The following NOTCH2 variants were observed in gnomAD, a reference collection of about 807,000 sequenced individuals.
NOTCH2 encodes the protein neurogenic locus notch homolog protein 2.
Under a neutral mutation model 235.8 loss-of-function variants are expected in NOTCH2, and 29 were observed. The observed-to-expected ratio is 0.12, with a 90% CI of 0.09 to 0.17. The LOEUF is 0.17. NOTCH2 is among the 10% of genes least tolerant of loss of function. NOTCH2 has a pLI of 1.00. For missense variants in NOTCH2, 2,285 were observed against 3,150.2 expected (o/e 0.73, Z 6.57); for synonymous variants, 1,086 against 1,141.5 (o/e 0.95, Z 0.98).
chr1:119,931,823 T>C (rs1261149195), intron 22 of NOTCH2, among the ~76,000 whole-genome samples: 1 of 151,672 alleles, frequency 6.6e-6, no homozygotes, highest in Non-Finnish European at 1.5e-5. Flanking sequence ...ATTTTAAAAG[T>C]GATAAATTCA....
At chr1:119,947,684 G>A (rs1331025157) in intron 17 of NOTCH2, among the ~76,000 whole-genome samples, 1 of 152,140 alleles carries the variant, frequency 6.6e-6, no homozygotes, top group Non-Finnish European at 1.5e-5. Flanking sequence ...AAAACCATAT[G>A]TCCACACAAA....
In NOTCH2 at chr1:119,923,661, C is replaced by G. The variant is rs1649363859; in HGVS notation, c.4835G>C (p.Gly1612Ala). 6.2e-7 allele frequency: 1 copy of G among 1,614,146 alleles called. No individual in the cohort carries two copies. Among genetic ancestry groups the G allele is most frequent in the South Asian group, 1.1e-5 (1 of 91,086 alleles). Reference protein sequence around the residue: ...KQRMTRRSLPGEQEQEVAGSK... With the variant: ...KQRMTRRSLPAEQEQEVAGSK... Reference sequence around the variant, plus strand: ...CCCAGCCACCTCCTGTTCTTGTTCACCAGGAAGGGATCTGCGTGTCATCCT... The same window carrying G: ...CCCAGCCACCTCCTGTTCTTGTTCAGCAGGAAGGGATCTGCGTGTCATCCT... The change falls in exon 26 of 34, where the codon GGT becomes GCT. Residue 1612 changes from glycine to alanine, a missense_variant. Gly to Ala is a moderately conservative substitution (Grantham distance 60). Transcript: ENST00000256646.
At position 120,069,476 on chromosome 1, in the gene NOTCH2, G is replaced by A. The variant is rs1294120828; in HGVS notation, c.-70C>T. Reference sequence around the variant, plus strand: ...CAGATCCACATGGGGAGGGGGTCCCGATAGAGGAGCCCCACTCTCTCCTCC... The same window carrying A: ...CAGATCCACATGGGGAGGGGGTCCCAATAGAGGAGCCCCACTCTCTCCTCC... On this transcript the variant is annotated 5_prime_UTR_variant, in exon 1 of 34. Transcript: ENST00000256646. 25 of 1,499,338 alleles carry A rather than the reference G, an allele frequency of 1.7e-5. No homozygotes were observed. The highest frequency in any genetic ancestry group is 2.3e-4 in the Middle Eastern group (1 of 4,380). 92.9% of individuals were successfully genotyped at this position (1,499,338 alleles called of 1,614,324 possible). A position where few individuals can be genotyped will look rare whatever the true frequency, so the allele number is the denominator to read the frequency against.
intron 2 of NOTCH2, among the ~76,000 whole-genome samples, chr1:120,029,397 C>T (rs1346006154): frequency 6.6e-6 from 1 of 151,930 alleles, no homozygotes; most frequent in Non-Finnish European, 1.5e-5. Context: ...GTCACCCAGG[C>T]TAGAGTGCAA....
chr1:119,917,882 G>A (rs1190466612), intron 32 of NOTCH2, 120 bp from the exon 33 acceptor site: 7 of 741,482 alleles, frequency 9.4e-6, no homozygotes, highest in Non-Finnish European at 1.7e-5. Context: ...CTCTGTAGGG[G>A]TCTATAGGAA....
chr1:119,914,936 A>G lies in NOTCH2; in HGVS notation c.*370T>C. The G allele has an allele frequency of 2.5e-6, 1 of 401,112 alleles. No individual in the cohort carries two copies. Among genetic ancestry groups the G allele is most frequent in the East Asian group, 4.3e-5 (1 of 23,524 alleles). 24.8% of individuals were successfully genotyped at this position (401,112 alleles called of 1,614,324 possible). A position where few individuals can be genotyped will look rare whatever the true frequency, so the allele number is the denominator to read the frequency against. Reference sequence around the variant, plus strand: ...ATTCCCAACAGGACGCTAGTGTAGAATCTTCTCATGGATATGGCAGAAGCC... The same window carrying G: ...ATTCCCAACAGGACGCTAGTGTAGAGTCTTCTCATGGATATGGCAGAAGCC... On this transcript the variant is annotated 3_prime_UTR_variant, in exon 34 of 34. Transcript: ENST00000256646.
intron 2 of NOTCH2, among the ~76,000 whole-genome samples, chr1:120,012,094 T>C (rs1253805771): frequency 7.7e-6 from 1 of 129,652 alleles, no homozygotes; most frequent in Non-Finnish European, 1.6e-5. Context: ...CTAGAGTGCG[T>C]GTGCTTCAAC....
chr1:120,025,900 AT>A (rs1159058658), intron 2 of NOTCH2, among the ~76,000 whole-genome samples: 1 of 123,272 alleles, frequency 8.1e-6, no homozygotes, highest in East Asian at 2.1e-4. Context: ...CTTGAAAGTG[AT>A]TAATGACATC....
intron 17 of NOTCH2, among the ~76,000 whole-genome samples, chr1:119,944,066 A>T (rs1462782553): frequency 3.9e-5 from 6 of 152,196 alleles, no homozygotes; most frequent in Admixed American, 3.9e-4. Context: ...AACACTGAAA[A>T]ATAAATAAAT....
intron 5 of NOTCH2, among the ~76,000 whole-genome samples, chr1:119,976,995 C>T (rs56302051): frequency 0.17 from 25,509 of 151,960 alleles, 3,053 homozygotes; most frequent in African/African-American, 0.33. Context: ...ATGTTTCCTG[C>T]AAGGCATTTA....
At chr1:119,947,376 C>T (rs782102092) in intron 17 of NOTCH2, among the ~76,000 whole-genome samples, 3 of 152,082 alleles carry the variant, frequency 2.0e-5, no homozygotes, top group African/African-American at 4.8e-5. Flanking sequence ...ATTTCACCAA[C>T]GAAGATAGGC....
intron 23 of NOTCH2, among the ~76,000 whole-genome samples, chr1:119,928,359 T>G (rs1649541890): frequency 6.6e-6 from 1 of 152,182 alleles, no homozygotes; most frequent in Non-Finnish European, 1.5e-5. Flanking sequence ...CACTTGAATT[T>G]GGACCTGCCC....
At chr1:119,920,190 A>T (rs768431579) in intron 30 of NOTCH2, 39 bp downstream of exon 30, 5 of 1,608,898 alleles carry the variant, frequency 3.1e-6, no homozygotes, top group Non-Finnish European at 4.3e-6. Context: ...CCATGGGCAG[A>T]CACAGCCCAG....
intron 2 of NOTCH2, among the ~76,000 whole-genome samples, chr1:120,014,361 G>C (rs1167122327): frequency 6.6e-6 from 1 of 152,232 alleles, no homozygotes; most frequent in Non-Finnish European, 1.5e-5. Context: ...GCAGAAGTTC[G>C]AGACCTGCCT....
rs797032411 is a variant in NOTCH2 at position 119,999,921 on chromosome 1, A to G, written c.416-2589T>C. ...AGAGAGAAAGAGAGAAAGAGAGAGA[A>G]AGAAAGAAAGAAAGAAAGAAAGAAA... is the stretch of plus-strand genomic sequence containing the variant. On this transcript the variant is annotated intron_variant, in intron 3 of 33. Coordinates refer to ENST00000256646, the MANE Select transcript of NOTCH2 (RefSeq NM_024408.4). Among the ~76,000 whole-genome samples, 164 of 56,846 alleles carry G rather than the reference A, an allele frequency of 2.9e-3. 1 individual carries two copies. Among genetic ancestry groups the G allele is most frequent in the African/African-American group, 7.5e-3 (131 of 17,470 alleles). The allele number at this position is 56,846 out of a possible 152,430, so 37.3% of individuals were successfully genotyped here.
intron 1 of NOTCH2, 113 bp downstream of exon 1, chr1:120,069,221 G>A: frequency 6.5e-7 from 1 of 1,526,974 alleles, no homozygotes; most frequent in Non-Finnish European, 8.8e-7. Flanking sequence ...GCCTCGCTCC[G>A]CGCCGGCGGC....
rs782553837 is a variant in NOTCH2, at chr1:119,953,556, C to T, written c.2352G>A (p.Lys784=). ...TTTTGTTTTCACCTTTAAAGCCCTT[C>T]TTGCAAGTACACCTGTATCCATTCA... The part of the protein sequence containing the change: ...NLVNGYRCTC[K]KGFKGYNCQV... Residue 784 remains lysine, a synonymous_variant, in exon 14 of 34, where the codon AAG becomes AAA. Transcript: ENST00000256646. 6.2e-7 allele frequency: 1 copy of T among 1,614,182 alleles called. No homozygotes were observed. Among genetic ancestry groups the T allele is most frequent in the East Asian group, 2.2e-5 (1 of 44,876 alleles).
chr1:119,954,600 T>C (rs186490027), intron 13 of NOTCH2, among the ~76,000 whole-genome samples: 1 of 152,292 alleles, frequency 6.6e-6, no homozygotes, highest in African/African-American at 2.4e-5. Context: ...ATCAGGGACA[T>C]TTCTAAAGTT....
At chr1:119,938,092 A>G (rs1333424910) in intron 19 of NOTCH2, 82 bp from the exon 20 acceptor site, 2 of 1,484,856 alleles carry the variant, frequency 1.3e-6, no homozygotes, top group Non-Finnish European at 1.9e-6. Context: ...GTTACAAGAA[A>G]TCAAAGAAAA....
Sources: allele counts gnomAD v4.1 joint callset (sites outside exome capture counted in the v4.1 genomes callset), GRCh38; gene constraint gnomAD v4.1.1; transcripts MANE v1.5; gene names NCBI Gene and HGNC (gene_info 2026-07-23, HGNC 2026-07-21).